Variants in NBEA observed in about 807,000 individuals in gnomAD.
NBEA encodes the protein neurobeachin.
In NBEA, 44 loss-of-function variants were observed where a neutral mutation model predicts 343.4. The ratio of observed to expected loss-of-function variants is 0.13; its 90% confidence interval spans 0.10 to 0.16. The LOEUF (loss-of-function observed/expected upper bound fraction) is 0.16, where lower values mean the gene tolerates loss of function less well. NBEA is among the 10% of genes least tolerant of loss of function. NBEA has a pLI of 1.00. For missense variants in NBEA, 2,555 were observed against 3,631.3 expected (o/e 0.70, Z 7.62); for synonymous variants, 1,175 against 1,238.7 (o/e 0.95, Z 1.08).
chr13:35,096,284 T>C (rs574435006), intron 10 of NBEA, among the ~76,000 whole-genome samples: 3 of 151,708 alleles, frequency 2.0e-5, no homozygotes, highest in South Asian at 2.1e-4. Flanking sequence ...AGTGAATGCA[T>C]TTGACATTTC....
At chr13:35,622,019 A>G (rs1465702846) in intron 48 of NBEA, among the ~76,000 whole-genome samples, 1 of 152,224 alleles carries the variant, frequency 6.6e-6, no homozygotes, top group Non-Finnish European at 1.5e-5. Context: ...CTATTAAGTA[A>G]CAAGAGGATA....
At chr13:35,212,075 A>G (rs2073813396) in intron 33 of NBEA, among the ~76,000 whole-genome samples, 2 of 152,068 alleles carry the variant, frequency 1.3e-5, no homozygotes, top group South Asian at 4.1e-4. Context: ...ATAGAATATA[A>G]AAGCTTATTG....
rs914892834 is a variant in NBEA, at chr13:35,223,698, A to G, written c.5649-8794A>G. ...ATTGTTTTTGGAAAATTCTCACTCA[A>G]TATCTCTTAACATATTTCTTCTGCT... On this transcript the variant is annotated intron_variant, in intron 33 of 58. Transcript: ENST00000379939. Among the ~76,000 whole-genome samples the G allele has an allele frequency of 3.9e-5, 6 of 152,068 alleles. No homozygotes were observed. In the South Asian group the frequency reaches 6.2e-4, roughly 16 times the overall value.
intron 49 of NBEA, among the ~76,000 whole-genome samples, chr13:35,633,179 T>C (rs1283761384): frequency 1.3e-5 from 2 of 151,662 alleles, no homozygotes; most frequent in East Asian, 2.0e-4. Context: ...CTGGGCTCAC[T>C]GCAAGCTCTG....
chr13:35,206,332 A>G (rs1490102090), intron 31 of NBEA, among the ~76,000 whole-genome samples: 1 of 152,136 alleles, frequency 6.6e-6, no homozygotes, highest in African/African-American at 2.4e-5. Context: ...AATTCATCTC[A>G]TAGCACTGTT....
At chr13:35,551,159 G>T in intron 43 of NBEA, 127 bp downstream of exon 43, 2 of 537,984 alleles carry the variant, frequency 3.7e-6, no homozygotes, top group Non-Finnish European at 3.1e-6. Context: ...TTTCTCTGAA[G>T]GTTATTTGTA....
chr13:35,282,073 C>T lies in NBEA; in HGVS notation c.5777-8316C>T, dbSNP rs191743301. Among the ~76,000 whole-genome samples, 308 of 151,456 alleles carry T rather than the reference C, an allele frequency of 2.0e-3. 1 individual carries two copies. The highest frequency in any genetic ancestry group is 7.3e-3 in the African/African-American group (301 of 41,142). ...GACTACAGGCGCCTGCTACCACGCC[C>T]GGCTAATTTTTTTTTTTTGTATTTT... On this transcript the variant is annotated intron_variant, in intron 34 of 58. Coordinates refer to ENST00000379939, the MANE Select transcript of NBEA (RefSeq NM_001385012.1).
chr13:35,372,429 A>C (rs1455125827), intron 38 of NBEA, among the ~76,000 whole-genome samples: 2 of 152,102 alleles, frequency 1.3e-5, no homozygotes, highest in African/African-American at 4.8e-5. Flanking sequence ...GCCTCCAGAG[A>C]GTGTCCTTGG....
At chr13:35,149,987 T>C (rs2068675950) in intron 18 of NBEA, among the ~76,000 whole-genome samples, 1 of 152,192 alleles carries the variant, frequency 6.6e-6, no homozygotes, top group South Asian at 2.1e-4. Flanking sequence ...TTTTGGTCTC[T>C]GGTGATATTC....
chr13:35,184,365 G>C lies in NBEA; in HGVS notation c.4927+294G>C, dbSNP rs187779705. Among the ~76,000 whole-genome samples the C allele has an allele frequency of 1.9e-3, 288 of 152,028 alleles. 1 individual carries two copies. The highest frequency in any genetic ancestry group is 6.4e-3 in the African/African-American group (264 of 41,486). On this transcript the variant is annotated intron_variant, in intron 30 of 58. Coordinates refer to ENST00000379939, the MANE Select transcript of NBEA (RefSeq NM_001385012.1). ...CTCAGGAGAGTCACAGTTTAGTAGT[G>C]GGACTAAATGAGCCTAATATAAAGG...
chr13:34,958,428 G>C (rs2059564240), intron 1 of NBEA, among the ~76,000 whole-genome samples: 1 of 152,076 alleles, frequency 6.6e-6, no homozygotes, highest in African/African-American at 2.4e-5. Flanking sequence ...GTTTTGACTG[G>C]GGGAAGTGAC....
At chr13:35,047,817 A>AACAGATTAATTTTAAAATCATAATGGG (rs57273754) in intron 4 of NBEA, among the ~76,000 whole-genome samples, 1 of 140,390 alleles carries the variant, frequency 7.1e-6, no homozygotes, top group Admixed American at 7.3e-5. Context: ...CTATTTGAGG[A>AACAGATTAATTTTAAAATCATAATGGG]TATCTTTTAT....
intron 1 of NBEA, among the ~76,000 whole-genome samples, chr13:35,032,365 C>T (rs907194493): frequency 6.6e-6 from 1 of 151,802 alleles, no homozygotes; most frequent in African/African-American, 2.4e-5. Context: ...TATGGTATCT[C>T]ACTGTTGTTT....
intron 48 of NBEA, among the ~76,000 whole-genome samples, chr13:35,608,214 T>G (rs927571144): frequency 7.2e-5 from 11 of 152,166 alleles, no homozygotes; most frequent in Admixed American, 1.3e-4. Flanking sequence ...GAAAATTTCA[T>G]GTTTTGCATA....
At chr13:35,097,852 T>A (rs1418249986) in intron 10 of NBEA, among the ~76,000 whole-genome samples, 1 of 152,088 alleles carries the variant, frequency 6.6e-6, no homozygotes, top group Non-Finnish European at 1.5e-5. Context: ...ATGAAAAGTT[T>A]ATTTAAAAAT....
chr13:35,443,138 A>G lies in NBEA; in HGVS notation c.6305-8954A>G, dbSNP rs537015947. Among the ~76,000 whole-genome samples, 163 of 152,214 alleles carry G rather than the reference A, an allele frequency of 1.1e-3. 1 individual carries two copies. The highest frequency in any genetic ancestry group is 2.0e-3 in the Non-Finnish European group (136 of 67,960). On this transcript the variant is annotated intron_variant, in intron 39 of 58. Coordinates refer to ENST00000379939, the MANE Select transcript of NBEA (RefSeq NM_001385012.1). ...TCCATGTGTTAATTCCCAGATTGCT[A>G]ATGCTGCACATTTACTATACCACTG... is the stretch of plus-strand genomic sequence containing the variant.
At chr13:35,531,636 A>C (rs1326698830) in intron 41 of NBEA, among the ~76,000 whole-genome samples, 1 of 152,340 alleles carries the variant, frequency 6.6e-6, no homozygotes, top group African/African-American at 2.4e-5. Context: ...GGGATGGGCA[A>C]CTGTCATCTG....
intron 40 of NBEA, among the ~76,000 whole-genome samples, chr13:35,454,694 A>G (rs963592504): frequency 1.3e-5 from 2 of 152,010 alleles, no homozygotes; most frequent in African/African-American, 4.8e-5. Context: ...CCCCGTCTCT[A>G]CTAAAAATAC....
intron 40 of NBEA, among the ~76,000 whole-genome samples, chr13:35,467,299 C>A (rs983258272): frequency 1.3e-5 from 2 of 151,922 alleles, no homozygotes; most frequent in Non-Finnish European, 2.9e-5. Context: ...TGGTGAAACA[C>A]CATCTCTACT....
Sources: allele counts gnomAD v4.1 joint callset (sites outside exome capture counted in the v4.1 genomes callset), GRCh38; gene constraint gnomAD v4.1.1; transcripts MANE v1.5; gene names NCBI Gene and HGNC (gene_info 2026-07-23, HGNC 2026-07-21).